NEK1: variants seen among roughly 807,000 people sequenced by gnomAD.
NEK1 encodes the protein serine/threonine-protein kinase Nek1.
Under a neutral mutation model 182.1 loss-of-function variants are expected in NEK1, and 137 were observed. The ratio of observed to expected loss-of-function variants is 0.75; its 90% CI spans 0.65 to 0.87. NEK1 has a LOEUF of 0.87. Among genes scored for constraint, NEK1 ranks in the 40% least tolerant of loss-of-function variants. The pLI is 0.00. For synonymous variants in NEK1, 513 were observed against 492.2 expected (o/e 1.04, Z -0.56); for missense variants, 1,391 against 1,494.4 (o/e 0.93, Z 1.14).
chr4:169,413,560 A>C lies in NEK1; in HGVS notation c.3223-6813T>G, dbSNP rs72691039. On this transcript the variant is annotated intron_variant, in intron 31 of 35. Coordinates refer to ENST00000507142, the MANE Select transcript of NEK1 (RefSeq NM_001199397.3). ...GCAACAGTTATTTTATGAATAAATA[A>C]GTGATAAAGTACAAATTTAAATGAC... Among the ~76,000 whole-genome samples, 863 of 152,350 alleles carry C rather than the reference A, an allele frequency of 5.7e-3. 3 individuals are homozygous for C. The highest frequency in any genetic ancestry group is 8.9e-3 in the Non-Finnish European group (608 of 68,026).
intron 26 of NEK1, among the ~76,000 whole-genome samples, chr4:169,471,112 C>G (rs892940479): frequency 1.3e-5 from 2 of 152,172 alleles, no homozygotes; most frequent in Non-Finnish European, 2.9e-5. Flanking sequence ...CCTTCTGAAG[C>G]CTACTTCTGT....
chr4:169,507,726 C>T lies in NEK1; in HGVS notation c.1900G>A (p.Glu634Lys), dbSNP rs199678116. Residue 634 changes from glutamate (E) to lysine (K), a missense_variant, in exon 22 of 36, where the codon GAA (glutamate) becomes AAA (lysine). Physicochemically the swap from Glu to Lys is moderately conservative, Grantham distance 56 (BLOSUM62 1). Transcript: ENST00000507142. ...TTTCTAGTCTATACCTTCAGTGATT[C>T]GATTTTTTTGCGCCTCATGTCAGCC... ...EEADMRRKKIESLKAHANARA... is the reference protein window; with the variant it reads ...EEADMRRKKIKSLKAHANARA... 5.4e-5 allele frequency: 87 copies of T among 1,612,070 alleles called. No individual in the cohort carries two copies. Among genetic ancestry groups the T allele is most frequent in the Middle Eastern group, 1.7e-4 (1 of 6,054 alleles).
intron 31 of NEK1, among the ~76,000 whole-genome samples, chr4:169,415,088 A>G (rs961207851): frequency 6.6e-6 from 1 of 152,240 alleles, no homozygotes; most frequent in African/African-American, 2.4e-5. Context: ...TGAATAATCT[A>G]TTAAAAGCTA....
At chr4:169,497,604 G>A (rs958445406) in intron 23 of NEK1, among the ~76,000 whole-genome samples, 2 of 152,136 alleles carry the variant, frequency 1.3e-5, no homozygotes, top group African/African-American at 2.4e-5. Context: ...GGTATGTTGT[G>A]TCTTTGTTCT....
At chr4:169,443,000 G>C (rs113894441) in intron 27 of NEK1, among the ~76,000 whole-genome samples, 1 of 152,100 alleles carries the variant, frequency 6.6e-6, no homozygotes, top group South Asian at 2.1e-4. Context: ...TTGCACCAAT[G>C]TACTCTAGCC....
At chr4:169,456,943 T>C (rs1742998409) in intron 27 of NEK1, among the ~76,000 whole-genome samples, 1 of 152,194 alleles carries the variant, frequency 6.6e-6, no homozygotes, top group African/African-American at 2.4e-5. Flanking sequence ...TTAAGTGATA[T>C]AAGACAGGCA....
At chr4:169,591,890 A>G (rs1237705317) in intron 5 of NEK1, among the ~76,000 whole-genome samples, 2 of 152,220 alleles carry the variant, frequency 1.3e-5, no homozygotes, top group African/African-American at 4.8e-5. Context: ...ATAGATTGCT[A>G]GTTCTCTAAG....
At chr4:169,450,935 A>G (rs975509140) in intron 27 of NEK1, among the ~76,000 whole-genome samples, 2 of 152,202 alleles carry the variant, frequency 1.3e-5, no homozygotes, top group South Asian at 4.1e-4. Context: ...AAAGGAATGG[A>G]GGAAGATCTA....
intron 19 of NEK1, among the ~76,000 whole-genome samples, chr4:169,531,268 G>A (rs1221948654): frequency 6.6e-6 from 1 of 152,022 alleles, no homozygotes; most frequent in Non-Finnish European, 1.5e-5. Flanking sequence ...AAGATGGATA[G>A]CAGTGACTTC....
chr4:169,521,142 T>C (rs1031605091), intron 19 of NEK1, among the ~76,000 whole-genome samples: 1 of 57,414 alleles, frequency 1.7e-5, no homozygotes, highest in Non-Finnish European at 3.5e-5. Flanking sequence ...CAGACTGCTG[T>C]GCTAGCAATC....
At chr4:169,524,050 T>C (rs944433300) in intron 19 of NEK1, among the ~76,000 whole-genome samples, 1 of 152,154 alleles carries the variant, frequency 6.6e-6, no homozygotes, top group African/African-American at 2.4e-5. Flanking sequence ...CAACAGAAGA[T>C]AACCAAGAAA....
intron 28 of NEK1, among the ~76,000 whole-genome samples, chr4:169,436,146 T>C (rs1738372677): frequency 6.6e-6 from 1 of 152,208 alleles, no homozygotes; most frequent in African/African-American, 2.4e-5. Context: ...TCAAGCGATA[T>C]GCCAGCCTTG....
chr4:169,430,825 C>T (rs1254017538), intron 29 of NEK1, among the ~76,000 whole-genome samples: 2 of 150,456 alleles, frequency 1.3e-5, no homozygotes, highest in Admixed American at 6.7e-5. Context: ...TTAAAAATAT[C>T]ACTTGTCAGG....
chr4:169,507,711 A>C lies in NEK1; in HGVS notation c.1911+4T>G, dbSNP rs1753545852. On this transcript the variant is annotated splice_donor_region_variant and intron_variant, in intron 22 of 35. Transcript: ENST00000507142. ...AGAAAACCTGTATCATTTCTAGTCT[A>C]TACCTTCAGTGATTCGATTTTTTTG... is the stretch of plus-strand genomic sequence containing the variant. 6.2e-7 allele frequency: 1 copy of C among 1,609,146 alleles called. No homozygotes were observed. The highest frequency in any genetic ancestry group is 1.3e-5 in the African/African-American group (1 of 74,928).
intron 18 of NEK1, among the ~76,000 whole-genome samples, chr4:169,541,487 A>T (rs183154706): frequency 5.9e-5 from 9 of 152,292 alleles, no homozygotes; most frequent in African/African-American, 1.9e-4. Flanking sequence ...GAGGAAAAAT[A>T]ACTACTACCA....
chr4:169,403,000 A>AGGCC (rs1199732691), intron 32 of NEK1, among the ~76,000 whole-genome samples: 1 of 152,234 alleles, frequency 6.6e-6, no homozygotes, highest in Non-Finnish European at 1.5e-5. Context: ...ACAAGGGCTA[A>AGGCC]TTAAGGCCTT....
At chr4:169,477,601 C>A in intron 24 of NEK1, 104 bp from the exon 25 acceptor site, 1 of 831,296 alleles carries the variant, frequency 1.2e-6, no homozygotes, top group East Asian at 2.8e-5. Context: ...TTAATTTGTT[C>A]CTTGTAAATT....
intron 19 of NEK1, among the ~76,000 whole-genome samples, chr4:169,510,467 C>T (rs1753998361): frequency 6.6e-6 from 1 of 152,128 alleles, no homozygotes; most frequent in African/African-American, 2.4e-5. Context: ...CCAATTCTAT[C>T]TCCTAATAAT....
chr4:169,428,599 C>A (rs958284080), intron 29 of NEK1, among the ~76,000 whole-genome samples: 5 of 151,496 alleles, frequency 3.3e-5, no homozygotes, highest in Non-Finnish European at 1.5e-5. Flanking sequence ...GATTGCTTAA[C>A]AGATAGAGAG....
Sources: allele counts gnomAD v4.1 joint callset (sites outside exome capture counted in the v4.1 genomes callset), GRCh38; gene constraint gnomAD v4.1.1; transcripts MANE v1.5; gene names NCBI Gene and HGNC (gene_info 2026-07-23, HGNC 2026-07-21).